Variants in CD3G observed in about 807,000 individuals in gnomAD.
CD3G encodes CD3 gamma subunit of T-cell receptor complex.
CD3G carries 24 observed loss-of-function variants against 28.3 expected under a neutral mutation model. The ratio of observed to expected loss-of-function variants is 0.85; its 90% CI spans 0.61 to 1.19. CD3G has a LOEUF of 1.19. Ranked by LOEUF, CD3G falls within the 50% of genes most tolerant of loss-of-function variation. The probability of loss-of-function intolerance (pLI) is 0.00; values close to 1 mark genes in which losing one functional copy is unlikely to be tolerated. For synonymous variants in CD3G, 71 were observed against 75.9 expected (o/e 0.93, Z 0.34); for missense variants, 211 against 210.0 (o/e 1.00, Z -0.03).
At chr11:118,344,537 C>G in intron 1 of CD3G, 59 bp downstream of exon 1, 1 of 1,377,020 alleles carries the variant, frequency 7.3e-7, no homozygotes, top group Non-Finnish European at 1.0e-6. Context: ...GAGCCCATCA[C>G]TAGTGAGACA....
chr11:118,346,115 G>C (rs1447339342), intron 1 of CD3G, among the ~76,000 whole-genome samples: 1 of 152,136 alleles, frequency 6.6e-6, no homozygotes, highest in East Asian at 1.9e-4. Flanking sequence ...TCCACTGTCT[G>C]GGAGTTCTCA....
rs141052321 is a variant in CD3G at position 118,349,936 on chromosome 11, G to C, written c.273G>C (p.Gln91His). The change falls in exon 3 of 7, where the codon CAG becomes CAC. Residue 91 changes from glutamine to histidine, a missense_variant. Gln to His is a conservative substitution (Grantham distance 24, BLOSUM62 0). Coordinates refer to ENST00000532917, the MANE Select transcript of CD3G (RefSeq NM_000073.3). The stretch of plus-strand genomic sequence containing the variant: ...GGATGTATCAGTGTAAAGGATCACA[G>C]AACAAGTCAAAACCACTCCAAGTGT... ...PRGMYQCKGS[Q>H]NKSKPLQVYY... 4.1e-5 allele frequency: 66 copies of C among 1,613,964 alleles called. No individual in the cohort carries two copies. The African/African-American group carries it at 7.7e-4, about 19-fold the overall frequency.
chr11:118,351,708 T>G (rs1322686934), intron 5 of CD3G, 37 bp downstream of exon 5: 1 of 1,596,842 alleles, frequency 6.3e-7, no homozygotes, highest in Admixed American at 1.7e-5. Context: ...ATTGCTGTAA[T>G]TAGTGGGGGT....
intron 1 of CD3G, among the ~76,000 whole-genome samples, chr11:118,344,744 A>T (rs544781701): frequency 1.0e-3 from 159 of 152,350 alleles, no homozygotes; most frequent in African/African-American, 3.7e-3. Context: ...GCCATCTTAG[A>T]TTTGAATGCA....
chr11:118,350,181 C>A, intron 3 of CD3G: 1 of 599,120 alleles, frequency 1.7e-6, no homozygotes, highest in Non-Finnish European at 2.9e-6. Flanking sequence ...ATTTTGTTTA[C>A]CTTTGGGTGG....
Position 118,354,642 on chromosome 11 carries a change from T to C in CD3G, c.*1542T>C, listed in dbSNP as rs1312571680. 6.6e-6 allele frequency: 1 copy of C among 152,106 alleles called. No homozygotes were observed. Among genetic ancestry groups the C allele is most frequent in the African/African-American group, 2.4e-5 (1 of 41,420 alleles). 9.4% of individuals were successfully genotyped at this position (152,106 alleles called of 1,614,324 possible). A position where few individuals can be genotyped will look rare whatever the true frequency, so the allele number is the denominator to read the frequency against. ...AGCCACCGCGCCAGGCCCGTAACTG[T>C]ATTTTAATATAGCCATTCTATGGAT... On this transcript the variant is annotated 3_prime_UTR_variant, in exon 7 of 7. Coordinates refer to ENST00000532917, the MANE Select transcript of CD3G (RefSeq NM_000073.3).
intron 1 of CD3G, among the ~76,000 whole-genome samples, 153 bp downstream of exon 1, chr11:118,344,631 T>C (rs980779042): frequency 6.6e-6 from 1 of 152,246 alleles, no homozygotes; most frequent in African/African-American, 2.4e-5. Context: ...CTCTTAACTG[T>C]TCTCTGCTAG....
Position 118,349,988 on chromosome 11 carries a change from G to A in CD3G, c.307+18G>A, listed in dbSNP as rs1316251433. 1.3e-6 allele frequency: 2 copies of A among 1,592,072 alleles called. No individual in the cohort carries two copies. The highest frequency in any genetic ancestry group is 1.7e-5 in the Admixed American group (1 of 59,994). On this transcript the variant is annotated intron_variant, in intron 3 of 6. Coordinates refer to ENST00000532917, the MANE Select transcript of CD3G (RefSeq NM_000073.3). ...TTACAGAAGTATGTAATCCCCTTTG[G>A]TCTGTTTGTTGTGAAATTAATCAGT... is the stretch of plus-strand genomic sequence containing the variant.
Position 118,355,073 on chromosome 11 carries a change from C to G in CD3G, c.*1973C>G, listed in dbSNP as rs1948438627. The G allele has an allele frequency of 1.3e-5, 2 of 152,070 alleles. No homozygotes were observed. Among genetic ancestry groups the G allele is most frequent in the South Asian group, 4.1e-4 (2 of 4,822 alleles). 9.4% of individuals were successfully genotyped at this position (152,070 alleles called of 1,614,324 possible). A position where few individuals can be genotyped will look rare whatever the true frequency, so the allele number is the denominator to read the frequency against. On this transcript the variant is annotated 3_prime_UTR_variant, in exon 7 of 7. Coordinates refer to ENST00000532917, the MANE Select transcript of CD3G (RefSeq NM_000073.3). ...TGTCTTCTTTTTATACTTTTTACAGCTTTATGGTTTTAGCTCTAACAATAA... is the reference window on the plus strand; with the variant it reads ...TGTCTTCTTTTTATACTTTTTACAGGTTTATGGTTTTAGCTCTAACAATAA...
chr11:118,352,716 C>T (rs767939114), intron 6 of CD3G, among the ~76,000 whole-genome samples: 6 of 152,194 alleles, frequency 3.9e-5, no homozygotes, highest in Admixed American at 6.5e-5. Flanking sequence ...CAGAGCAGGG[C>T]CTCAAGCCAT....
intron 1 of CD3G, among the ~76,000 whole-genome samples, chr11:118,346,476 A>C (rs77273153): frequency 0.027 from 4,144 of 151,744 alleles, 193 homozygotes; most frequent in African/African-American, 0.095. Context: ...GGCTATATGA[A>C]CTCTTAAGTC....
At position 118,350,311 on chromosome 11, in the gene CD3G, C is replaced by G; in HGVS notation, c.308-241C>G. On this transcript the variant is annotated intron_variant, in intron 3 of 6. Transcript: ENST00000532917. ...CAGTGGAGCATGAAGAGTATCTAGT[C>G]TTCCTTCTGTTCCAGATACTTCCTG... 3 of 588,004 alleles carry G rather than the reference C, an allele frequency of 5.1e-6. No homozygotes were observed. The South Asian group carries it at 5.9e-5, about 12-fold the overall frequency. The allele number at this position is 588,004 out of a possible 1,614,324, so 36.4% of individuals were successfully genotyped here.
intron 1 of CD3G, among the ~76,000 whole-genome samples, chr11:118,346,779 C>T (rs965309169): frequency 3.5e-5 from 5 of 144,758 alleles, no homozygotes; most frequent in Non-Finnish European, 7.5e-5. Flanking sequence ...CACCACTGCA[C>T]TTCAGCCTGA....
intron 4 of CD3G, 89 bp downstream of exon 4, chr11:118,350,772 T>G: frequency 6.2e-7 from 1 of 1,605,118 alleles, no homozygotes; most frequent in Non-Finnish European, 8.5e-7. Context: ...AGAGACTGAG[T>G]TGGTGCTTCT....
At position 118,350,635 on chromosome 11, in the gene CD3G, G is replaced by T. The variant is rs3753058; in HGVS notation, c.391G>T (p.Val131Phe). Residue 131 changes from valine (V) to phenylalanine (F), a missense_variant, in exon 4 of 7, where the codon GTT (valine) becomes TTT (phenylalanine). Val to Phe is a conservative substitution (Grantham distance 50). Transcript: ENST00000532917. ...AATCGTCAGCATTTTCGTCCTTGCT[G>T]TTGGGGTCTACTTCATTGCTGGACA... ...AEIVSIFVLA[V>F]GVYFIAGQDG... 291,446 of 1,613,004 alleles carry T rather than the reference G, an allele frequency of 0.18. 33,336 individuals carry two copies. The highest frequency in any genetic ancestry group is 0.51 in the East Asian group (22,650 of 44,780).
At chr11:118,345,905 C>G (rs781287635) in intron 1 of CD3G, among the ~76,000 whole-genome samples, 43 of 152,222 alleles carry the variant, frequency 2.8e-4, no homozygotes, top group Non-Finnish European at 5.9e-4. Flanking sequence ...TTGAAGAGGA[C>G]AGTGAGAGTT....
rs1167121407 is a variant in CD3G, at chr11:118,350,822, G to A, written c.439+139G>A. 1.5e-5 allele frequency: 22 copies of A among 1,503,278 alleles called. No homozygotes were observed. In the East Asian group the frequency reaches 6.2e-4, roughly 42 times the overall value. The allele number at this position is 1,503,278 out of a possible 1,614,324, so 93.1% of individuals were successfully genotyped here. On this transcript the variant is annotated intron_variant, in intron 4 of 6. Transcript: ENST00000532917. The stretch of plus-strand genomic sequence containing the variant: ...GTTGGGTGAGGCTGTATTTCTCTGA[G>A]ACAGGAGAAAGGATACTTGGTGTTA...
At chr11:118,350,889 GA>G (rs372079196) in intron 4 of CD3G, 20,373 of 611,456 alleles carry the variant, frequency 0.033, no homozygotes, top group South Asian at 0.047. Context: ...CTCCCTCTGT[GA>G]AAAAAAAAAA....
intron 5 of CD3G, among the ~76,000 whole-genome samples, 159 bp from the exon 6 acceptor site, chr11:118,352,245 A>T (rs554229969): frequency 1.3e-5 from 2 of 152,066 alleles, no homozygotes; most frequent in South Asian, 4.1e-4. Context: ...AGAGAAAAAG[A>T]AAAAAGACAG....
Sources: allele counts gnomAD v4.1 joint callset (sites outside exome capture counted in the v4.1 genomes callset), GRCh38; gene constraint gnomAD v4.1.1; transcripts MANE v1.5; gene names NCBI Gene and HGNC (gene_info 2026-07-23, HGNC 2026-07-21).